Variants in DGKH observed in about 807,000 individuals in gnomAD.
DGKH encodes diacylglycerol kinase eta.
Under a neutral mutation model 159.3 loss-of-function variants are expected in DGKH, and 90 were observed. That is an observed-to-expected ratio of 0.57 (90% CI 0.48 to 0.67). DGKH has a LOEUF of 0.67. DGKH is among the 30% of genes least tolerant of loss of function. The pLI, the probability that DGKH is intolerant of heterozygous loss-of-function variation, is 0.00. For synonymous variants in DGKH, 536 were observed against 553.8 expected (o/e 0.97, Z 0.45); for missense variants, 1,181 against 1,506.1 (o/e 0.78, Z 3.57).
intron 12 of DGKH, 103 bp from the exon 13 acceptor site, chr13:42,178,032 T>C (rs1341217707): frequency 1.5e-6 from 1 of 651,358 alleles, no homozygotes; most frequent in South Asian, 4.6e-5. Context: ...GTGATTGCCT[T>C]GCCTAAACAT....
chr13:42,079,071 C>A (rs913698259), intron 1 of DGKH, among the ~76,000 whole-genome samples: 2 of 151,600 alleles, frequency 1.3e-5, no homozygotes, highest in Non-Finnish European at 2.9e-5. Context: ...ACCATCACAC[C>A]CAGCTAATTT....
At chr13:42,082,801 T>G (rs1954225310) in intron 1 of DGKH, among the ~76,000 whole-genome samples, 1 of 152,204 alleles carries the variant, frequency 6.6e-6, no homozygotes, top group Non-Finnish European at 1.5e-5. Flanking sequence ...TTCCTTTACA[T>G]GTACAAATTG....
chr13:42,204,985 G>C (rs1957429285), intron 20 of DGKH, among the ~76,000 whole-genome samples: 1 of 152,062 alleles, frequency 6.6e-6, no homozygotes, highest in African/African-American at 2.4e-5. Flanking sequence ...CAGAAATACA[G>C]TTTATTTCTT....
chr13:42,110,523 A>T (rs76986265), intron 1 of DGKH, among the ~76,000 whole-genome samples: 48 of 152,302 alleles, frequency 3.2e-4, no homozygotes, highest in African/African-American at 1.1e-3. Flanking sequence ...GGGCAAAGGG[A>T]TTATTCTTGG....
intron 1 of DGKH, among the ~76,000 whole-genome samples, chr13:42,126,736 A>G (rs17519598): frequency 0.26 from 39,370 of 151,878 alleles, 5,906 homozygotes; most frequent in Admixed American, 0.37. Context: ...TTTTGCACAC[A>G]CCTAAAATGC....
chr13:42,048,896 C>T lies in DGKH; in HGVS notation c.123C>T (p.Ser41=). The T allele has an allele frequency of 7.3e-7, 1 of 1,371,618 alleles. No individual in the cohort carries two copies. Among genetic ancestry groups the T allele is most frequent in the South Asian group, 2.0e-5 (1 of 49,566 alleles). 85.0% of individuals were successfully genotyped at this position (1,371,618 alleles called of 1,614,324 possible). A position where few individuals can be genotyped will look rare whatever the true frequency, so the allele number is the denominator to read the frequency against. ...SAGPGEDSSD[S]EAEQEGPQKL... is the part of the protein sequence containing the mutation. ...GGCCGGGAGAGGATTCGTCTGACAGCGAAGCGGAGCAAGAGGGACCCCAGA... is the reference window on the plus strand; with the variant it reads ...GGCCGGGAGAGGATTCGTCTGACAGTGAAGCGGAGCAAGAGGGACCCCAGA... Residue 41 remains serine, a synonymous_variant, in exon 1 of 30, where the codon AGC becomes AGT. Coordinates refer to ENST00000337343, the MANE Select transcript of DGKH (RefSeq NM_178009.5). The surrounding 1 kb of genome is among the most constrained non-coding windows in gnomAD (Gnocchi z 6.7).
chr13:42,161,882 TCTTTA>T (rs1956191140), intron 7 of DGKH, among the ~76,000 whole-genome samples: 1 of 152,194 alleles, frequency 6.6e-6, no homozygotes, highest in African/African-American at 2.4e-5. Flanking sequence ...AATTTGTATA[TCTTTA>T]CTTTAAAAAA....
intron 1 of DGKH, among the ~76,000 whole-genome samples, chr13:42,075,740 G>A (rs1165125211): frequency 1.3e-5 from 2 of 152,180 alleles, no homozygotes; most frequent in African/African-American, 4.8e-5. Flanking sequence ...ACCATGGCAA[G>A]CACTGGCTGC....
At chr13:42,136,410 C>T (rs894893793) in intron 3 of DGKH, among the ~76,000 whole-genome samples, 3 of 151,988 alleles carry the variant, frequency 2.0e-5, no homozygotes, top group African/African-American at 4.8e-5. Context: ...ATGTTATTTG[C>T]GAAAGAAGAG....
chr13:42,122,666 A>G (rs187447249), intron 1 of DGKH, among the ~76,000 whole-genome samples: 1 of 152,254 alleles, frequency 6.6e-6, no homozygotes, highest in African/African-American at 2.4e-5. Flanking sequence ...CAGAGGGGAC[A>G]TCAAATTATA....
In DGKH at chr13:42,225,953, T is replaced by C. The variant is rs1958119807; in HGVS notation, c.3574-3146T>C. ...CAAAAGCCAAAATTGACAAATGGGA[T>C]CTAATTACACTAAAGAGCTTCTGCA... On this transcript the variant is annotated intron_variant, in intron 29 of 29. Transcript: ENST00000337343. 2.6e-5 allele frequency among the ~76,000 whole-genome samples: 4 copies of C among 151,788 alleles called. No homozygotes were observed. In the South Asian group the frequency reaches 8.3e-4, roughly 32 times the overall value.
intron 1 of DGKH, among the ~76,000 whole-genome samples, chr13:42,058,351 A>T (rs1881907169): frequency 6.6e-6 from 1 of 152,234 alleles, no homozygotes; most frequent in Admixed American, 6.5e-5. Flanking sequence ...TTAACATCAC[A>T]GTTTCTGAGA....
At chr13:42,084,493 T>A (rs1954266138) in intron 1 of DGKH, among the ~76,000 whole-genome samples, 1 of 152,172 alleles carries the variant, frequency 6.6e-6, no homozygotes, top group African/African-American at 2.4e-5. Context: ...ATAGCCTCAT[T>A]CATCTTAAAG....
In DGKH at chr13:42,231,868, C is replaced by T. The variant is rs1195124044; in HGVS notation, c.*2680C>T. 1 of 152,148 alleles carries T rather than the reference C, an allele frequency of 6.6e-6. No homozygotes were observed. Among genetic ancestry groups the T allele is most frequent in the East Asian group, 1.9e-4 (1 of 5,198 alleles). 9.4% of individuals were successfully genotyped at this position (152,148 alleles called of 1,614,324 possible). ...GTCTCTTAATGGAATCCTTAATTAG[C>T]TAGAATTTTCCTGCAAATGGCTTTG... is the stretch of plus-strand genomic sequence containing the variant. On this transcript the variant is annotated 3_prime_UTR_variant, in exon 30 of 30. Transcript: ENST00000337343.
Position 42,174,153 on chromosome 13 carries a change from TA to T in DGKH, c.1452+11del, listed in dbSNP as rs1555270316. 1 of 1,606,022 alleles carries T rather than the reference TA, an allele frequency of 6.2e-7. No individual in the cohort carries two copies. The highest frequency in any genetic ancestry group is 1.7e-4 in the Middle Eastern group (1 of 6,044). On this transcript the variant is annotated intron_variant, in intron 12 of 29. Transcript: ENST00000337343. ...CATCTGAAGAATTTTATGTAAGACTTAACCCTTTACCTATCATTTGAAATGG... is the reference window on the plus strand; with the variant it reads ...CATCTGAAGAATTTTATGTAAGACTTACCCTTTACCTATCATTTGAAATGG...
rs1037469251 is a variant in DGKH, at chr13:42,187,099, A to G, written c.1589A>G (p.Tyr530Cys). ...KDFVAKVEKT[Y>C]DKTLENAVVA... ...TTCGTTGCCAAAGTAGAAAAGACGT[A>G]TGACAAAACCTTGGAAAATGCCGTT... The change falls in exon 14 of 30, where the codon TAT (tyrosine) becomes TGT (cysteine). Residue 530 changes from tyrosine (Y) to cysteine (C), a missense_variant. Physicochemically the swap from Tyr to Cys is radical, Grantham distance 194 (BLOSUM62 -2). This residue lies in a region of DGKH where 257 missense variants were observed against 281.5 expected (regional missense o/e 0.91). Transcript: ENST00000337343. The G allele has an allele frequency of 1.9e-6, 3 of 1,614,054 alleles. No homozygotes were observed. The highest frequency in any genetic ancestry group is 2.7e-5 in the African/African-American group (2 of 74,938).
chr13:42,171,273 A>G (rs1956447524), intron 11 of DGKH, among the ~76,000 whole-genome samples: 1 of 152,196 alleles, frequency 6.6e-6, no homozygotes, highest in South Asian at 2.1e-4. Flanking sequence ...TAAATAGCTA[A>G]TAAGTAATAG....
intron 20 of DGKH, among the ~76,000 whole-genome samples, chr13:42,201,075 C>CTCTA: frequency 6.6e-6 from 1 of 151,474 alleles, no homozygotes; most frequent in South Asian, 2.1e-4. Flanking sequence ...TCACTGCAAC[C>CTCTA]TCTACCTGCT....
chr13:42,158,034 C>G (rs1295412737), intron 5 of DGKH, among the ~76,000 whole-genome samples: 1 of 152,230 alleles, frequency 6.6e-6, no homozygotes, highest in African/African-American at 2.4e-5. Context: ...GCTGGGATTA[C>G]AGGCGTGAGC....
Sources: gnomAD v4.1 joint callset for allele counts (sites outside exome capture counted in the v4.1 genomes callset) on GRCh38, gnomAD v4.1.1 for gene constraint, gnomAD v4.1.1 regional missense constraint, Gnocchi (gnomAD v3.1) non-coding constraint, MANE v1.5 for transcripts, NCBI Gene and HGNC (gene_info 2026-07-23, HGNC 2026-07-21) for gene names.